Variants in GTF2H1 observed in about 807,000 individuals in gnomAD.
GTF2H1 encodes general transcription factor IIH subunit 1, also known as BTF2 p62.
GTF2H1 carries 16 observed loss-of-function variants against 71.2 expected under a neutral mutation model. The observed-to-expected ratio is 0.22, with a 90% confidence interval of 0.15 to 0.34. The LOEUF (loss-of-function observed/expected upper bound fraction) is 0.34. Among genes scored for constraint, GTF2H1 ranks in the 10% least tolerant of loss-of-function variants. The pLI, the probability that GTF2H1 is intolerant of heterozygous loss-of-function variation, is 1.00. For synonymous variants in GTF2H1, 215 were observed against 219.0 expected (o/e 0.98, Z 0.16); for missense variants, 498 against 648.2 (o/e 0.77, Z 2.52).
rs1418695843 is a variant in GTF2H1 at position 18,349,800 on chromosome 11, A to G, written c.1053+1881A>G. 6.6e-5 allele frequency among the ~76,000 whole-genome samples: 10 copies of G among 152,242 alleles called. No individual in the cohort carries two copies. In the East Asian group the frequency reaches 1.7e-3, roughly 26 times the overall value. On this transcript the variant is annotated intron_variant, in intron 9 of 14. Coordinates refer to ENST00000265963, the MANE Select transcript of GTF2H1 (RefSeq NM_005316.4). Reference sequence around the variant, plus strand: ...CATAAGTTGCAAATACTGTAAATCAAAAATGCATTGAATACACCTAATGTA... The same window carrying G: ...CATAAGTTGCAAATACTGTAAATCAGAAATGCATTGAATACACCTAATGTA...
chr11:18,330,387 G>A (rs555839046), intron 1 of GTF2H1, among the ~76,000 whole-genome samples: 1 of 152,208 alleles, frequency 6.6e-6, no homozygotes, highest in Non-Finnish European at 1.5e-5. Flanking sequence ...TTGCAAGAAA[G>A]CAACGTGCAG....
intron 14 of GTF2H1, among the ~76,000 whole-genome samples, chr11:18,364,322 G>A (rs1865772811): frequency 6.6e-6 from 1 of 152,094 alleles, no homozygotes; most frequent in South Asian, 2.1e-4. Context: ...AGGACTTCCT[G>A]ATCTCCATCT....
chr11:18,342,107 T>C (rs188738660), intron 7 of GTF2H1: 1 of 152,976 alleles, frequency 6.5e-6, no homozygotes, highest in East Asian at 1.9e-4. Context: ...ATTTATCTAC[T>C]TGCAGAGAAA....
At chr11:18,323,322 A>G (rs1864600550) in intron 1 of GTF2H1, among the ~76,000 whole-genome samples, 1 of 151,932 alleles carries the variant, frequency 6.6e-6, no homozygotes. Flanking sequence ...TAAGAGACAG[A>G]GTCTTGTTCT....
intron 3 of GTF2H1, 21 bp downstream of exon 3, chr11:18,335,967 T>A (rs199722472): frequency 7.9e-5 from 126 of 1,588,734 alleles, no homozygotes; most frequent in Admixed American, 1.5e-4. Flanking sequence ...AAGAATAGCC[T>A]TTTGAAAGAG....
chr11:18,343,964 G>A (rs953671731), intron 7 of GTF2H1, among the ~76,000 whole-genome samples: 2 of 152,090 alleles, frequency 1.3e-5, no homozygotes, highest in African/African-American at 4.8e-5. Context: ...TGAGTAGCTG[G>A]GACTGTAGCA....
intron 7 of GTF2H1, among the ~76,000 whole-genome samples, chr11:18,343,858 C>T (rs756682232): frequency 3.3e-5 from 5 of 152,136 alleles, no homozygotes; most frequent in East Asian, 1.9e-4. Context: ...TTTTTTATGA[C>T]GGGCTCACTC....
intron 1 of GTF2H1, 60 bp from the exon 2 acceptor site, chr11:18,333,000 A>G: frequency 8.2e-7 from 1 of 1,213,286 alleles, no homozygotes; most frequent in Non-Finnish European, 1.1e-6. Context: ...GAAGTCAACA[A>G]ATTCAACCCT....
chr11:18,358,078 A>G lies in GTF2H1; in HGVS notation c.1351+36A>G, dbSNP rs1178245881. 3.4e-6 allele frequency: 5 copies of G among 1,477,298 alleles called. No homozygotes were observed. The East Asian group carries it at 9.0e-5, about 27-fold the overall frequency. The allele number at this position is 1,477,298 out of a possible 1,614,324, so 91.5% of individuals were successfully genotyped here. ...GGCCATCTTCTACTACTTTCTGCCTAAATCAGCTTTAAAAAGCAAGCTGGG... is the reference window on the plus strand; with the variant it reads ...GGCCATCTTCTACTACTTTCTGCCTGAATCAGCTTTAAAAAGCAAGCTGGG... On this transcript the variant is annotated intron_variant, in intron 12 of 14. Coordinates refer to ENST00000265963, the MANE Select transcript of GTF2H1 (RefSeq NM_005316.4).
At chr11:18,333,265 G>A in intron 2 of GTF2H1, 37 bp downstream of exon 2, 1 of 1,414,876 alleles carries the variant, frequency 7.1e-7, no homozygotes, top group South Asian at 1.3e-5. Context: ...GTATTTGTAT[G>A]TCATAGTTGC....
chr11:18,348,410 T>G (rs967340085), intron 9 of GTF2H1: 1 of 167,120 alleles, frequency 6.0e-6, no homozygotes, highest in African/African-American at 2.4e-5. Flanking sequence ...GCTTGTGTAT[T>G]TATTCTTCTC....
chr11:18,353,886 A>G (rs1490968878), intron 11 of GTF2H1, among the ~76,000 whole-genome samples: 1 of 152,238 alleles, frequency 6.6e-6, no homozygotes, highest in Non-Finnish European at 1.5e-5. Flanking sequence ...CAGTACAATT[A>G]TAGAATTAGT....
At chr11:18,341,185 G>A in intron 5 of GTF2H1, 76 bp from the exon 6 acceptor site, 1 of 1,117,656 alleles carries the variant, frequency 8.9e-7, no homozygotes, top group African/African-American at 1.6e-5. Context: ...TTTGCTATTT[G>A]TATTTCAGTT....
chr11:18,329,033 G>A (rs985933062), intron 1 of GTF2H1, among the ~76,000 whole-genome samples: 4 of 151,836 alleles, frequency 2.6e-5, no homozygotes, highest in Non-Finnish European at 4.4e-5. Context: ...TATCAAAATG[G>A]GATTGTAAGA....
chr11:18,339,764 T>G (rs772378185), intron 5 of GTF2H1, 107 bp downstream of exon 5: 1 of 664,274 alleles, frequency 1.5e-6, no homozygotes, highest in Non-Finnish European at 2.6e-6. Context: ...CAATAAATTA[T>G]GTAAAGTACT....
intron 1 of GTF2H1, among the ~76,000 whole-genome samples, chr11:18,323,535 A>G (rs1017481044): frequency 6.6e-6 from 1 of 152,092 alleles, no homozygotes; most frequent in East Asian, 1.9e-4. Flanking sequence ...CCCTTTGTCC[A>G]TTTGAAGACC....
At chr11:18,351,502 T>C (rs1327887408) in intron 9 of GTF2H1, 3 of 152,630 alleles carry the variant, frequency 2.0e-5, no homozygotes, top group African/African-American at 4.8e-5. Flanking sequence ...GATAAAGTAT[T>C]TACAACATGT....
intron 1 of GTF2H1, among the ~76,000 whole-genome samples, chr11:18,328,559 T>C (rs1188279941): frequency 2.7e-5 from 4 of 148,838 alleles, no homozygotes; most frequent in South Asian, 2.1e-4. Flanking sequence ...GCATGGTGGC[T>C]CACACCTGTA....
chr11:18,361,380 A>G (rs891892128), intron 14 of GTF2H1, among the ~76,000 whole-genome samples: 1 of 152,024 alleles, frequency 6.6e-6, no homozygotes, highest in Non-Finnish European at 1.5e-5. Flanking sequence ...AAAGTTTTAC[A>G]ATCTGGCCGG....
Sources: allele counts gnomAD v4.1 joint callset (sites outside exome capture counted in the v4.1 genomes callset), GRCh38; gene constraint gnomAD v4.1.1; transcripts MANE v1.5; gene names NCBI Gene and HGNC (gene_info 2026-07-23, HGNC 2026-07-21).